The following EEIG2 variants were observed in gnomAD, a reference collection of about 807,000 sequenced individuals.
The protein encoded by EEIG2 is family with sequence similarity 102 member B.
At chr1:108,612,377 A>G in the EEIG2 span, 1 of 933,056 alleles carries the variant, frequency 1.1e-6, no homozygotes, top group Non-Finnish European at 1.7e-6. Flanking sequence ...CAAGGACAAG[A>G]TGTGAATCAG....
chr1:108,623,357 T>C, the EEIG2 span, among the ~76,000 whole-genome samples: 1 of 152,060 alleles, frequency 6.6e-6, no homozygotes, highest in African/African-American at 2.4e-5. Flanking sequence ...AAGCCAGGCA[T>C]GGTTCTGTGT....
chr1:108,626,632 A>G, the EEIG2 span: 1 of 152,160 alleles, frequency 6.6e-6, no homozygotes, highest in South Asian at 2.1e-4. Context: ...TGTTCTTCCC[A>G]AAATGTAGAT....
At chr1:108,609,974 T>C in the EEIG2 span, among the ~76,000 whole-genome samples, 5 of 152,142 alleles carry the variant, frequency 3.3e-5, no homozygotes, top group Admixed American at 3.3e-4. Context: ...ACCTAGGCGA[T>C]GGGTTGATAG....
At chr1:108,618,400 CAG>C in the EEIG2 span, among the ~76,000 whole-genome samples, 1 of 152,178 alleles carries the variant, frequency 6.6e-6, no homozygotes, top group Non-Finnish European at 1.5e-5. Flanking sequence ...AAAAGGTGTG[CAG>C]AAGTCCTCAC....
the EEIG2 span, among the ~76,000 whole-genome samples, chr1:108,583,907 A>G: frequency 6.6e-6 from 1 of 152,124 alleles, no homozygotes; most frequent in Non-Finnish European, 1.5e-5. Flanking sequence ...GTATCACAGA[A>G]GCTAACTATG....
the EEIG2 span, among the ~76,000 whole-genome samples, chr1:108,621,713 A>C: frequency 6.6e-6 from 1 of 152,080 alleles, no homozygotes; most frequent in African/African-American, 2.4e-5. Context: ...AAAGGTAAGA[A>C]TTTTTAGACA....
chr1:108,585,139 C>T, the EEIG2 span, among the ~76,000 whole-genome samples: 1 of 152,100 alleles, frequency 6.6e-6, no homozygotes, highest in Non-Finnish European at 1.5e-5. Context: ...TGTAAGCCTT[C>T]CTGAAGCAAC....
chr1:108,614,960 G>A, the EEIG2 span, among the ~76,000 whole-genome samples: 2 of 152,166 alleles, frequency 1.3e-5, no homozygotes, highest in African/African-American at 4.8e-5. Flanking sequence ...GCAGACCTCA[G>A]GGTTCTATGA....
the EEIG2 span, among the ~76,000 whole-genome samples, chr1:108,610,848 G>C: frequency 4.6e-5 from 7 of 152,106 alleles, no homozygotes; most frequent in Non-Finnish European, 1.0e-4. Context: ...GCAGGAGAAT[G>C]GCGTGAAGCT....
the EEIG2 span, among the ~76,000 whole-genome samples, chr1:108,570,639 G>A: frequency 2.6e-5 from 4 of 152,186 alleles, no homozygotes; most frequent in South Asian, 2.1e-4. Context: ...GGCAGTATAC[G>A]TGTTCATGCA....
At chr1:108,596,207 G>T in the EEIG2 span, among the ~76,000 whole-genome samples, 4 of 151,820 alleles carry the variant, frequency 2.6e-5, no homozygotes, top group African/African-American at 4.8e-5. Flanking sequence ...GGAAAAAAAG[G>T]CATCTAAAGT....
chr1:108,600,591 C>T, the EEIG2 span: 47 of 1,610,774 alleles, frequency 2.9e-5, no homozygotes, highest in Non-Finnish European at 3.9e-5. Flanking sequence ...AAACTGTGTT[C>T]GCTGGAGAAA....
At chr1:108,626,035 A>T in the EEIG2 span, 2 of 152,090 alleles carry the variant, frequency 1.3e-5, no homozygotes, top group African/African-American at 4.8e-5. Flanking sequence ...ATGGCCAGTT[A>T]TTCATTCTTG....
chr1:108,592,458 A>C, the EEIG2 span, among the ~76,000 whole-genome samples: 1 of 152,206 alleles, frequency 6.6e-6, no homozygotes, highest in Non-Finnish European at 1.5e-5. Flanking sequence ...GTTCATCCCA[A>C]CCTGATCTCT....
chr1:108,608,632 A>T, the EEIG2 span, among the ~76,000 whole-genome samples: 1 of 152,208 alleles, frequency 6.6e-6, no homozygotes. Context: ...TCTGCAACTG[A>T]GCCTGTCATA....
chr1:108,631,986 C>T, the EEIG2 span, among the ~76,000 whole-genome samples: 8 of 151,572 alleles, frequency 5.3e-5, no homozygotes, highest in Non-Finnish European at 8.8e-5. Context: ...TGGTGGCGGG[C>T]GCCTGTAATC....
At chr1:108,610,462 G>C in the EEIG2 span, among the ~76,000 whole-genome samples, 1 of 152,208 alleles carries the variant, frequency 6.6e-6, no homozygotes, top group Admixed American at 6.5e-5. Flanking sequence ...CATCAGCAGA[G>C]AGTGAGGATG....
At chr1:108,571,940 TCTC>T in the EEIG2 span, among the ~76,000 whole-genome samples, 3 of 152,128 alleles carry the variant, frequency 2.0e-5, no homozygotes, top group Non-Finnish European at 4.4e-5. Flanking sequence ...TTACCTTCCT[TCTC>T]CTTCTCTATA....
chr1:108,613,585 G>A, the EEIG2 span, among the ~76,000 whole-genome samples: 1 of 151,896 alleles, frequency 6.6e-6, no homozygotes, highest in Admixed American at 6.6e-5. Flanking sequence ...CTTCCACACC[G>A]TCTCTCCCAC....
Sources: gnomAD v4.1 joint callset for allele counts (sites outside exome capture counted in the v4.1 genomes callset) on GRCh38, gnomAD v4.1.1 for gene constraint, MANE v1.5 for transcripts, NCBI Gene and HGNC (gene_info 2026-07-23, HGNC 2026-07-21) for gene names.